SLC35D1: variants seen among roughly 807,000 people sequenced by gnomAD.
The protein encoded by SLC35D1 is nucleotide sugar transporter SLC35D1.
In SLC35D1, 31 loss-of-function variants were observed where a neutral mutation model predicts 46.7. The observed-to-expected ratio is 0.66, with a 90% CI of 0.50 to 0.90. The LOEUF (loss-of-function observed/expected upper bound fraction) is 0.90, where lower values mean the gene tolerates loss of function less well. Among genes scored for constraint, SLC35D1 ranks in the 40% least tolerant of loss-of-function variants. SLC35D1 has a pLI of 0.00. For missense variants in SLC35D1, 397 were observed against 426.2 expected (o/e 0.93, Z 0.60); for synonymous variants, 195 against 164.6 (o/e 1.18, Z -1.41).
the SLC35D1 span, among the ~76,000 whole-genome samples, chr1:66,979,064 T>C: frequency 6.6e-6 from 1 of 152,320 alleles, no homozygotes; most frequent in East Asian, 1.9e-4. Context: ...AATACCATGG[T>C]TTTGTAGGCT....
At chr1:67,040,398 G>T (rs1668217756) in intron 8 of SLC35D1, among the ~76,000 whole-genome samples, 1 of 152,102 alleles carries the variant, frequency 6.6e-6, no homozygotes, top group Non-Finnish European at 1.5e-5. Context: ...GTGATATGGT[G>T]GGAATGGTAA....
intron 3 of SLC35D1, 68 bp downstream of exon 3, chr1:67,052,701 GCA>G (rs1270845585): frequency 6.7e-7 from 1 of 1,500,072 alleles, no homozygotes; most frequent in African/African-American, 1.4e-5. Flanking sequence ...AATACGCAAG[GCA>G]CTGATAAAAT....
At chr1:66,993,197 T>C in the SLC35D1 span, among the ~76,000 whole-genome samples, 5 of 152,332 alleles carry the variant, frequency 3.3e-5, no homozygotes, top group African/African-American at 1.2e-4. Flanking sequence ...ATGGCAGGAA[T>C]GTGAGCTTCA....
chr1:67,047,414 T>C, intron 6 of SLC35D1, 47 bp from the exon 7 acceptor site: 6 of 1,462,360 alleles, frequency 4.1e-6, no homozygotes, highest in South Asian at 1.1e-5. Flanking sequence ...AGAACATGCA[T>C]TTAATTTTAA....
In SLC35D1 at chr1:67,054,114, G is replaced by A. The variant is rs964694975; in HGVS notation, c.-101C>T. 45 of 1,195,654 alleles carry A rather than the reference G, an allele frequency of 3.8e-5. No individual in the cohort carries two copies. In the African/African-American group the frequency reaches 5.9e-4, roughly 16 times the overall value. 74.1% of individuals were successfully genotyped at this position (1,195,654 alleles called of 1,614,324 possible). A position where few individuals can be genotyped will look rare whatever the true frequency, so the allele number is the denominator to read the frequency against. On this transcript the variant is annotated 5_prime_UTR_variant, in exon 1 of 12. Transcript: ENST00000235345. ...CCAGGAGTTGGGGACCGCAGACTAG[G>A]CCAGCTGCGCGCTCGCCGCCTCGAC...
downstream of SLC35D1, among the ~76,000 whole-genome samples, chr1:66,995,433 T>TAAAAAAAA (rs541234514): frequency 3.6e-4 from 13 of 35,808 alleles, 1 homozygote; most frequent in Admixed American, 9.5e-4. Context: ...CCTGCTACGC[T>TAAAAAAAA]AAAAAAAAAA....
chr1:66,991,188 C>G, the SLC35D1 span, among the ~76,000 whole-genome samples: 1 of 152,192 alleles, frequency 6.6e-6, no homozygotes, highest in African/African-American at 2.4e-5. Context: ...GGAGCTCCGA[C>G]TCTAGGATTT....
intron 7 of SLC35D1, among the ~76,000 whole-genome samples, chr1:67,043,195 C>CAA (rs55933027): frequency 1.4e-3 from 205 of 142,356 alleles, no homozygotes; most frequent in Admixed American, 6.1e-3. Context: ...CACTCCATCT[C>CAA]AAAAAAAAAA....
intron 7 of SLC35D1, among the ~76,000 whole-genome samples, chr1:67,045,386 T>G (rs1645242008): frequency 6.6e-6 from 1 of 152,236 alleles, no homozygotes; most frequent in Admixed American, 6.5e-5. Context: ...CCCTTACGGC[T>G]GTTTAATAGA....
intron 10 of SLC35D1, 52 bp downstream of exon 10, chr1:67,020,317 A>G: frequency 2.5e-6 from 3 of 1,203,596 alleles, no homozygotes; most frequent in East Asian, 2.3e-5. Context: ...TCTTAAAGGA[A>G]CAATTTTCAA....
At chr1:66,977,634 G>T in the SLC35D1 span, among the ~76,000 whole-genome samples, 3 of 152,038 alleles carry the variant, frequency 2.0e-5, no homozygotes, top group Non-Finnish European at 4.4e-5. Context: ...ACCTCATTCA[G>T]TCTAGCTTTG....
the SLC35D1 span, among the ~76,000 whole-genome samples, chr1:66,988,937 A>G: frequency 6.6e-6 from 1 of 152,210 alleles, no homozygotes; most frequent in Non-Finnish European, 1.5e-5. Context: ...CTGAGTACAG[A>G]GACAGCAAAA....
chr1:67,012,888 G>C (rs914846630), intron 10 of SLC35D1, among the ~76,000 whole-genome samples: 10 of 151,912 alleles, frequency 6.6e-5, no homozygotes, highest in South Asian at 2.1e-4. Flanking sequence ...TTGACTTTTT[G>C]GGGTACCCAT....
At chr1:66,997,772 T>C (rs6668708), downstream of SLC35D1, among the ~76,000 whole-genome samples, 1 of 147,170 alleles carries the variant, frequency 6.8e-6, no homozygotes, top group Admixed American at 6.8e-5. Flanking sequence ...CTTAAATATA[T>C]ATATTAATTT....
chr1:67,015,846 C>A (rs1364352139), intron 10 of SLC35D1, among the ~76,000 whole-genome samples: 1 of 152,042 alleles, frequency 6.6e-6, no homozygotes, highest in Non-Finnish European at 1.5e-5. Flanking sequence ...TAAGTCTCTA[C>A]CAAGAGTAAA....
chr1:66,987,659 T>A, the SLC35D1 span: 6 of 152,684 alleles, frequency 3.9e-5, no homozygotes, highest in Admixed American at 3.9e-4. Flanking sequence ...AATATTTTTT[T>A]AAACATATTT....
At chr1:67,009,772 T>C (rs531723636) in intron 10 of SLC35D1, among the ~76,000 whole-genome samples, 70 of 152,298 alleles carry the variant, frequency 4.6e-4, no homozygotes, top group African/African-American at 1.7e-3. Flanking sequence ...GAAAGCAGTG[T>C]GGACATTTAT....
chr1:67,020,622 T>C (rs1339470434), intron 9 of SLC35D1, among the ~76,000 whole-genome samples, 175 bp from the exon 10 acceptor site: 1 of 152,198 alleles, frequency 6.6e-6, no homozygotes, highest in Non-Finnish European at 1.5e-5. Flanking sequence ...TTTCACTAAA[T>C]AGAAACACAT....
the SLC35D1 span, chr1:66,986,350 A>G: frequency 6.3e-7 from 1 of 1,586,348 alleles, no homozygotes; most frequent in Non-Finnish European, 8.6e-7. Context: ...TGATAGACCA[A>G]CCTATATCCA....
Sources: allele counts gnomAD v4.1 joint callset (sites outside exome capture counted in the v4.1 genomes callset), GRCh38; gene constraint gnomAD v4.1.1; transcripts MANE v1.5; gene names NCBI Gene and HGNC (gene_info 2026-07-23, HGNC 2026-07-21).